Variants in BMERB1 observed in about 807,000 individuals in gnomAD.
The protein encoded by BMERB1 is bMERB domain containing 1.
A neutral mutation model predicts 23.6 loss-of-function variants in BMERB1; 12 were observed. That is an observed-to-expected ratio of 0.51 (90% CI 0.33 to 0.82). The LOEUF is 0.82. Ranked by LOEUF, BMERB1 falls within the 40% of genes least tolerant of loss-of-function variation. The pLI is 0.03. For synonymous variants in BMERB1, 122 were observed against 96.6 expected, an observed-to-expected ratio of 1.26 and a Z score of -1.54; for missense variants, 247 against 255.4, an observed-to-expected ratio of 0.97 and a Z score of 0.22.
chr16:15,465,966 C>T (rs776079792), intron 1 of BMERB1, among the ~76,000 whole-genome samples: 7 of 152,270 alleles, frequency 4.6e-5, no homozygotes, highest in Middle Eastern at 3.4e-3. Context: ...GGTGAATATA[C>T]CACAAATTCT....
At chr16:15,459,702 C>T (rs909935683) in intron 1 of BMERB1, among the ~76,000 whole-genome samples, 1 of 152,274 alleles carries the variant, frequency 6.6e-6, no homozygotes, top group Non-Finnish European at 1.5e-5. Flanking sequence ...GGAACCTCTC[C>T]AGATTCTTTA....
chr16:15,577,709 G>A (rs564415016), intron 3 of BMERB1, among the ~76,000 whole-genome samples: 15 of 152,364 alleles, frequency 9.8e-5, no homozygotes, highest in Admixed American at 2.6e-4. Flanking sequence ...TTTTCCCTCA[G>A]GGCAGGTTGT....
At chr16:15,558,888 CAG>C (rs1397218265) in intron 2 of BMERB1, among the ~76,000 whole-genome samples, 7 of 151,922 alleles carry the variant, frequency 4.6e-5, no homozygotes, top group African/African-American at 7.2e-5. Flanking sequence ...AGGACCAGGA[CAG>C]GGGAGAACCG....
intron 1 of BMERB1, among the ~76,000 whole-genome samples, chr16:15,500,975 T>C (rs996299177): frequency 6.6e-6 from 1 of 152,032 alleles, no homozygotes; most frequent in Non-Finnish European, 1.5e-5. Context: ...ATTTAAAGGG[T>C]AAAATATACA....
At chr16:15,521,395 G>C (rs2051852041) in intron 2 of BMERB1, among the ~76,000 whole-genome samples, 1 of 152,336 alleles carries the variant, frequency 6.6e-6, no homozygotes, top group Non-Finnish European at 1.5e-5. Context: ...GCCCACAACA[G>C]TTGGCATTTA....
intron 2 of BMERB1, among the ~76,000 whole-genome samples, chr16:15,560,490 G>C (rs1204095074): frequency 6.6e-6 from 1 of 152,124 alleles, no homozygotes; most frequent in Non-Finnish European, 1.5e-5. Context: ...AGATAAAATT[G>C]CCATTTACAA....
At chr16:15,530,899 CTTTCT>C (rs1567487058) in intron 2 of BMERB1, among the ~76,000 whole-genome samples, 2 of 138,618 alleles carry the variant, frequency 1.4e-5, no homozygotes, top group Admixed American at 7.6e-5. Flanking sequence ...CTCTTTTCTT[CTTTCT>C]TTTTTTTTTT....
At chr16:15,495,019 G>A (rs974497603) in intron 1 of BMERB1, among the ~76,000 whole-genome samples, 7 of 150,996 alleles carry the variant, frequency 4.6e-5, no homozygotes, top group African/African-American at 1.7e-4. Context: ...GAGTAGCTGG[G>A]ATTACAGGCA....
intron 2 of BMERB1, among the ~76,000 whole-genome samples, chr16:15,534,410 T>C (rs531704589): frequency 6.6e-6 from 1 of 151,564 alleles, no homozygotes; most frequent in Admixed American, 6.6e-5. Context: ...AGAAATTAGC[T>C]GGGTGTGGAG....
chr16:15,521,930 T>C (rs1265919531), intron 2 of BMERB1, among the ~76,000 whole-genome samples: 4 of 152,214 alleles, frequency 2.6e-5, no homozygotes, highest in Non-Finnish European at 5.9e-5. Flanking sequence ...TCTCAGAGGC[T>C]GTCAACAACC....
At chr16:15,501,939 T>A (rs1387795884) in intron 1 of BMERB1, among the ~76,000 whole-genome samples, 1 of 152,220 alleles carries the variant, frequency 6.6e-6, no homozygotes, top group Non-Finnish European at 1.5e-5. Context: ...TTTTTTAGAA[T>A]GTGGTTCCTG....
chr16:15,441,540 G>C (rs2050939118), intron 1 of BMERB1, among the ~76,000 whole-genome samples: 1 of 152,060 alleles, frequency 6.6e-6, no homozygotes, highest in South Asian at 2.1e-4. Context: ...ACCATGCCTG[G>C]TTAATTTTTG....
chr16:15,583,560 A>G (rs1044587108), intron 5 of BMERB1, among the ~76,000 whole-genome samples: 1 of 136,582 alleles, frequency 7.3e-6, no homozygotes, highest in African/African-American at 3.0e-5. Context: ...CCTGGGTGAC[A>G]GGGTAAGACT....
At chr16:15,488,988 G>A (rs970142428) in intron 1 of BMERB1, among the ~76,000 whole-genome samples, 5 of 150,438 alleles carry the variant, frequency 3.3e-5, no homozygotes, top group African/African-American at 1.2e-4. Context: ...AAGTCTATCT[G>A]TTTATCCCTC....
At chr16:15,455,664 G>A (rs1368276095) in intron 1 of BMERB1, among the ~76,000 whole-genome samples, 1 of 151,918 alleles carries the variant, frequency 6.6e-6, no homozygotes, top group Non-Finnish European at 1.5e-5. Context: ...GTTTCTCCAT[G>A]TTGGTCAGGC....
Position 15,438,092 on chromosome 16 carries a change from T to C in BMERB1, c.106+3333T>C, listed in dbSNP as rs561314277. Among the ~76,000 whole-genome samples the C allele has an allele frequency of 9.9e-5, 15 of 152,112 alleles. No homozygotes were observed. In the South Asian group the frequency reaches 2.9e-3, roughly 29 times the overall value. On this transcript the variant is annotated intron_variant, in intron 1 of 5. Transcript: ENST00000300006. ...TGCGTGGATCCTCAAATCTGGTTTTTCTTTTCTTTTTTGAGATGGAGTCTC... is the reference window on the plus strand; with the variant it reads ...TGCGTGGATCCTCAAATCTGGTTTTCCTTTTCTTTTTTGAGATGGAGTCTC...
intron 1 of BMERB1, among the ~76,000 whole-genome samples, chr16:15,473,008 C>A (rs1406631415): frequency 1.3e-5 from 2 of 151,846 alleles, no homozygotes; most frequent in East Asian, 3.9e-4. Flanking sequence ...CACAGGCATG[C>A]GTCACTATGC....
intron 2 of BMERB1, among the ~76,000 whole-genome samples, chr16:15,531,116 C>A (rs545271004): frequency 6.6e-6 from 1 of 151,992 alleles, no homozygotes; most frequent in African/African-American, 2.4e-5. Flanking sequence ...ACTGTGTTGG[C>A]CAGGCTGGTC....
Position 15,471,153 on chromosome 16 carries a change from A to G in BMERB1, c.106+36394A>G, listed in dbSNP as rs190139966. On this transcript the variant is annotated intron_variant, in intron 1 of 5. Transcript: ENST00000300006. ...TGCCTGGCCAAGTGTTACCTTTTCTATTTTCCACAAAAGATTGTGTAAAAT... is the reference window on the plus strand; with the variant it reads ...TGCCTGGCCAAGTGTTACCTTTTCTGTTTTCCACAAAAGATTGTGTAAAAT... Among the ~76,000 whole-genome samples the G allele has an allele frequency of 1.6e-4, 25 of 152,014 alleles. 1 individual carries two copies. The highest frequency in any genetic ancestry group is 1.0e-3 in the South Asian group (5 of 4,820).
Sources: allele counts gnomAD v4.1 joint callset (sites outside exome capture counted in the v4.1 genomes callset), GRCh38; gene constraint gnomAD v4.1.1; transcripts MANE v1.5; gene names NCBI Gene and HGNC (gene_info 2026-07-23, HGNC 2026-07-21).